The following PLEKHM2 variants were observed in gnomAD, a reference collection of about 807,000 sequenced individuals.
The protein encoded by PLEKHM2 is pleckstrin homology and RUN domain containing M2.
A neutral mutation model predicts 116.3 loss-of-function variants in PLEKHM2; 77 were observed. That is an observed-to-expected ratio of 0.66 (90% CI 0.55 to 0.80). The LOEUF is 0.80. Among genes scored for constraint, PLEKHM2 ranks in the 30% least tolerant of loss-of-function variants. The pLI is 0.00. For synonymous variants in PLEKHM2, 562 were observed against 571.0 expected (o/e 0.98, Z 0.22); for missense variants, 1,183 against 1,354.9 (o/e 0.87, Z 1.99).
intron 1 of PLEKHM2, among the ~76,000 whole-genome samples, chr1:15,703,997 C>T (rs557206070): frequency 2.5e-4 from 38 of 152,270 alleles, no homozygotes; most frequent in African/African-American, 8.7e-4. Flanking sequence ...CCTCAGAGTC[C>T]GTGGACCTTA....
chr1:15,731,280 G>A (rs565683942), intron 16 of PLEKHM2, 23 bp downstream of exon 16: 1 of 1,543,476 alleles, frequency 6.5e-7, no homozygotes, highest in Non-Finnish European at 8.8e-7. Flanking sequence ...GGAGAAGCGG[G>A]TGTATCCTGG....
At position 15,719,351 on chromosome 1, in the gene PLEKHM2, C is replaced by T. The variant is rs1245899065; in HGVS notation, c.466-383C>T. Among the ~76,000 whole-genome samples, 4 of 152,032 alleles carry T rather than the reference C, an allele frequency of 2.6e-5. No homozygotes were observed. Among genetic ancestry groups the T allele is most frequent in the African/African-American group, 9.7e-5 (4 of 41,382 alleles). On this transcript the variant is annotated intron_variant, in intron 5 of 19. Transcript: ENST00000375799. The surrounding 1 kb of genome is among the most constrained non-coding windows in gnomAD (Gnocchi z 4.1). ...CCTATAATCTCAGCTACTTGGGAGG[C>T]TGAGGCAGGAGAATCGCTCGAACCC...
rs373124803 is a variant in PLEKHM2 at position 15,731,277 on chromosome 1, C to T, written c.2465+20C>T. On this transcript the variant is annotated intron_variant, in intron 16 of 19. Transcript: ENST00000375799. ...CATGGGGTAAGTGTCCCGGGAGAAG[C>T]GGGTGTATCCTGGGGCCCAGAGCTG... 1.4e-5 allele frequency: 21 copies of T among 1,552,406 alleles called. No individual in the cohort carries two copies. Among genetic ancestry groups the T allele is most frequent in the Middle Eastern group, 1.7e-4 (1 of 5,988 alleles).
chr1:15,714,610 G>A (rs951919706), intron 1 of PLEKHM2, among the ~76,000 whole-genome samples: 2 of 152,204 alleles, frequency 1.3e-5, no homozygotes, highest in African/African-American at 2.4e-5. Flanking sequence ...GAGAAGAGAG[G>A]CTATTTTTGT....
At chr1:15,694,420 A>AT (rs972380815) in intron 1 of PLEKHM2, among the ~76,000 whole-genome samples, 2 of 152,028 alleles carry the variant, frequency 1.3e-5, no homozygotes, top group African/African-American at 4.8e-5. Flanking sequence ...GGGAACTGCC[A>AT]TGCAATAGAG....
At chr1:15,696,939 C>T (rs1317042052) in intron 1 of PLEKHM2, among the ~76,000 whole-genome samples, 1 of 152,286 alleles carries the variant, frequency 6.6e-6, no homozygotes, top group East Asian at 1.9e-4. Context: ...CTTGGAATGG[C>T]AGCAAGGGTC....
At chr1:15,726,665 G>T (rs776154039) in intron 8 of PLEKHM2, among the ~76,000 whole-genome samples, 1 of 152,220 alleles carries the variant, frequency 6.6e-6, no homozygotes, top group Non-Finnish European at 1.5e-5. Flanking sequence ...AGTGGAGGGG[G>T]CATTGCCTGA....
chr1:15,728,229 G>A lies in PLEKHM2; in HGVS notation c.1831-38G>A, dbSNP rs371388351. The A allele has an allele frequency of 6.2e-5, 100 of 1,609,262 alleles. No homozygotes were observed. Among genetic ancestry groups the A allele is most frequent in the Non-Finnish European group, 8.3e-5 (98 of 1,177,068 alleles). ...GCCACCGCCCCCGCTGGAGCGGCAG[G>A]AGCCACCTGCCTGACCCTTGTCTGC... is the stretch of plus-strand genomic sequence containing the variant. On this transcript the variant is annotated intron_variant, in intron 10 of 19. Coordinates refer to ENST00000375799, the MANE Select transcript of PLEKHM2 (RefSeq NM_015164.4). The surrounding 1 kb of genome is among the most constrained non-coding windows in gnomAD (Gnocchi z 5.9).
chr1:15,684,697 G>GGCGACCCTGCTGCCGCAAGGACTC, intron 1 of PLEKHM2, 79 bp downstream of exon 1: 1 of 795,234 alleles, frequency 1.3e-6, no homozygotes, highest in Non-Finnish European at 1.7e-6. Flanking sequence ...CTCCCGGGCC[G>GGCGACCCTGCTGCCGCAAGGACTC]GGGCCCCCCG....
Position 15,727,719 on chromosome 1 carries a change from T to C in PLEKHM2, c.1647T>C (p.Val549=), listed in dbSNP as rs756205122. The C allele has an allele frequency of 6.3e-7, 1 of 1,597,694 alleles. No homozygotes were observed. Among genetic ancestry groups the C allele is most frequent in the South Asian group, 1.1e-5 (1 of 88,164 alleles). The part of the protein sequence containing the change: ...VSEPEPGTQE[V]LCQLKRDQPS... ...AGCCAGAGCCTGGGACCCAGGAGGT[T>C]CTCTGCCAGCTCAAGCGAGACCAGC... The change falls in exon 9 of 20, where the codon GTT becomes GTC. Residue 549 remains valine (V), a synonymous_variant. Transcript: ENST00000375799. This position sits in a 1 kb window ranked among gnomAD's most constrained non-coding sequence, Gnocchi z 7.5.
chr1:15,708,541 T>C (rs1014452460), intron 1 of PLEKHM2, among the ~76,000 whole-genome samples: 1 of 152,172 alleles, frequency 6.6e-6, no homozygotes, highest in African/African-American at 2.4e-5. Flanking sequence ...TTTCTTGGAT[T>C]CCCCTAAAAC....
At chr1:15,725,763 C>T (rs897292323) in intron 8 of PLEKHM2, 12 of 575,920 alleles carry the variant, frequency 2.1e-5, no homozygotes, top group Non-Finnish European at 3.4e-5. Context: ...CGCAGACAGG[C>T]GGCTTCCACA....
intron 15 of PLEKHM2, 82 bp downstream of exon 15, chr1:15,730,804 C>T (rs1191737395): frequency 7.8e-6 from 9 of 1,153,314 alleles, no homozygotes; most frequent in Non-Finnish European, 1.1e-5. Flanking sequence ...GATCTCTCCG[C>T]AGCAGGTCAC....
chr1:15,716,683 G>A, intron 2 of PLEKHM2, 24 bp from the exon 3 acceptor site: 1 of 1,553,796 alleles, frequency 6.4e-7, no homozygotes, highest in Non-Finnish European at 8.7e-7. Flanking sequence ...GCAGGTCACA[G>A]CAGCTCCTGT....
upstream of PLEKHM2, chr1:15,681,638 T>G (rs1240201841): frequency 2.2e-6 from 1 of 460,072 alleles, no homozygotes; most frequent in Admixed American, 2.3e-5. Flanking sequence ...GGGGCCTGTA[T>G]GCACCCTAGC....
intron 1 of PLEKHM2, among the ~76,000 whole-genome samples, chr1:15,706,060 G>A (rs1641219561): frequency 6.6e-6 from 1 of 152,186 alleles, no homozygotes; most frequent in Non-Finnish European, 1.5e-5. Context: ...CAGCCTGGGT[G>A]ACAGAGCAAG....
At chr1:15,718,071 A>AC in intron 4 of PLEKHM2, 79 bp downstream of exon 4, 1 of 897,436 alleles carries the variant, frequency 1.1e-6, no homozygotes, top group South Asian at 1.4e-5. Context: ...TGTCATGCAG[A>AC]CAGCACAGTG....
Position 15,695,349 on chromosome 1 carries a change from G to C in PLEKHM2, c.60+10731G>C, listed in dbSNP as rs116087768. Among the ~76,000 whole-genome samples the C allele has an allele frequency of 2.5e-3, 379 of 152,256 alleles. 1 individual carries two copies. The highest frequency in any genetic ancestry group is 8.7e-3 in the African/African-American group (363 of 41,546). On this transcript the variant is annotated intron_variant, in intron 1 of 19. Transcript: ENST00000375799. ...AAGTTGTTTTTGGTGTTCACAGACT[G>C]CTGAGGCATGAGAGTCCTGAACATG...
At chr1:15,698,207 A>G (rs1336331595) in intron 1 of PLEKHM2, among the ~76,000 whole-genome samples, 1 of 150,648 alleles carries the variant, frequency 6.6e-6, no homozygotes, top group Admixed American at 6.6e-5. Context: ...TATTATTTTT[A>G]TTTTTTATTT....
Sources: gnomAD v4.1 joint callset for allele counts (sites outside exome capture counted in the v4.1 genomes callset) on GRCh38, gnomAD v4.1.1 for gene constraint, Gnocchi (gnomAD v3.1) non-coding constraint, MANE v1.5 for transcripts, NCBI Gene and HGNC (gene_info 2026-07-23, HGNC 2026-07-21) for gene names.